The following BMPR2 variants were observed in gnomAD, a reference collection of about 807,000 sequenced individuals.
BMPR2 encodes the protein bone morphogenetic protein receptor type-2.
In BMPR2, 29 loss-of-function variants were observed where a neutral mutation model predicts 100.8. The ratio of observed to expected loss-of-function variants is 0.29; its 90% CI spans 0.21 to 0.39. The LOEUF is 0.39. Among genes scored for constraint, BMPR2 ranks in the 10% least tolerant of loss-of-function variants. BMPR2 has a pLI of 1.00. For synonymous variants in BMPR2, 382 were observed against 442.3 expected, an observed-to-expected ratio of 0.86 and a Z score of 1.71; for missense variants, 1,011 against 1,274.5, an observed-to-expected ratio of 0.79 and a Z score of 3.15.
At chr2:202,462,081 T>C (rs1692235696) in intron 1 of BMPR2, among the ~76,000 whole-genome samples, 1 of 152,202 alleles carries the variant, frequency 6.6e-6, no homozygotes, top group South Asian at 2.1e-4. Flanking sequence ...TATATTAGAA[T>C]ATTTAATTCT....
rs115544214 is a variant in BMPR2 at position 202,428,555 on chromosome 2, C to T, written c.77-36254C>T. The stretch of plus-strand genomic sequence containing the variant: ...CTAGGACCACAGGTGCATGCCACCA[C>T]ACCCTGGCTAATTTTAAAAAAGTTT... On this transcript the variant is annotated intron_variant, in intron 1 of 12. Transcript: ENST00000374580. Among the ~76,000 whole-genome samples, 686 of 151,798 alleles carry T rather than the reference C, an allele frequency of 4.5e-3. 7 individuals carry two copies. Among genetic ancestry groups the T allele is most frequent in the African/African-American group, 0.016 (644 of 41,128 alleles).
chr2:202,468,761 T>C (rs1159361089), intron 3 of BMPR2, among the ~76,000 whole-genome samples: 1 of 151,934 alleles, frequency 6.6e-6, no homozygotes, highest in Non-Finnish European at 1.5e-5. Flanking sequence ...AAAAATAAGA[T>C]CTCTATGAAC....
chr2:202,554,642 C>T (rs1688531742), intron 11 of BMPR2, among the ~76,000 whole-genome samples: 1 of 152,052 alleles, frequency 6.6e-6, no homozygotes, highest in Admixed American at 6.6e-5. Context: ...ATCTTTGATC[C>T]TTTATTTGAA....
At chr2:202,414,890 C>T (rs891445991) in intron 1 of BMPR2, among the ~76,000 whole-genome samples, 14 of 152,028 alleles carry the variant, frequency 9.2e-5, no homozygotes, top group Non-Finnish European at 2.9e-5. Context: ...CAGGTGTGCA[C>T]CACCATGCCC....
At chr2:202,483,605 G>T (rs180938751) in intron 3 of BMPR2, among the ~76,000 whole-genome samples, 2 of 152,174 alleles carry the variant, frequency 1.3e-5, no homozygotes. Context: ...TGCCATGTTG[G>T]CTAGGCTGGT....
intron 3 of BMPR2, among the ~76,000 whole-genome samples, chr2:202,499,828 A>G (rs1183021122): frequency 6.6e-6 from 1 of 152,220 alleles, no homozygotes; most frequent in Non-Finnish European, 1.5e-5. Flanking sequence ...GATCAGAGAA[A>G]GGCCGCAGCC....
At chr2:202,450,933 A>G (rs995812704) in intron 1 of BMPR2, among the ~76,000 whole-genome samples, 2 of 152,112 alleles carry the variant, frequency 1.3e-5, no homozygotes, top group Non-Finnish European at 2.9e-5. Context: ...TGCTTCAGCT[A>G]TTTAGTTATT....
intron 9 of BMPR2, among the ~76,000 whole-genome samples, chr2:202,540,855 T>C (rs1688255883): frequency 6.6e-6 from 1 of 152,142 alleles, no homozygotes; most frequent in Admixed American, 6.6e-5. Flanking sequence ...CGTTCTTCCT[T>C]CTAATTTATC....
At chr2:202,390,235 T>C (rs1010178355) in intron 1 of BMPR2, among the ~76,000 whole-genome samples, 1 of 152,196 alleles carries the variant, frequency 6.6e-6, no homozygotes, top group Non-Finnish European at 1.5e-5. Context: ...TAGAAATTTG[T>C]ACATTTAAAA....
intron 1 of BMPR2, among the ~76,000 whole-genome samples, chr2:202,452,178 C>G (rs1171279785): frequency 6.6e-6 from 1 of 152,160 alleles, no homozygotes; most frequent in Admixed American, 6.6e-5. Flanking sequence ...GCCCCTTGCC[C>G]TTAGCACCAG....
intron 9 of BMPR2, among the ~76,000 whole-genome samples, chr2:202,538,453 T>A (rs917397809): frequency 6.7e-6 from 1 of 150,162 alleles, no homozygotes; most frequent in African/African-American, 2.5e-5. Flanking sequence ...CGAGACTCCA[T>A]CTCTTAAAGA....
Position 202,393,882 on chromosome 2 carries a change from C to CGAGAGAGAGAGAGAGAGAGAGAGAGA in BMPR2, c.76+16359_76+16384dup, listed in dbSNP as rs56708616. On this transcript the variant is annotated intron_variant, in intron 1 of 12. Coordinates refer to ENST00000374580, the MANE Select transcript of BMPR2 (RefSeq NM_001204.7). ...GCATCTAATTAAGGTAATGAGAGAG[C>CGAGAGAGAGAGAGAGAGAGAGAGAGA]GAGAGAGAGAGAGAGAGAGAGAGAG... is the stretch of plus-strand genomic sequence containing the variant. 7.1e-5 allele frequency among the ~76,000 whole-genome samples: 7 copies of CGAGAGAGAGAGAGAGAGAGAGAGAGA among 97,928 alleles called. 1 individual carries two copies. The highest frequency in any genetic ancestry group is 4.3e-4 in the East Asian group (1 of 2,318). 64.2% of individuals were successfully genotyped at this position (97,928 alleles called of 152,430 possible). A position where few individuals can be genotyped will look rare whatever the true frequency, so the allele number is the denominator to read the frequency against.
At chr2:202,455,507 CTG>C (rs1692075983) in intron 1 of BMPR2, among the ~76,000 whole-genome samples, 1 of 152,182 alleles carries the variant, frequency 6.6e-6, no homozygotes, top group Non-Finnish European at 1.5e-5. Context: ...ATATGGAAGT[CTG>C]TCATGATAGC....
At chr2:202,544,619 T>TA (rs1467937965) in intron 10 of BMPR2, among the ~76,000 whole-genome samples, 1 of 152,110 alleles carries the variant, frequency 6.6e-6, no homozygotes, top group Non-Finnish European at 1.5e-5. Context: ...TTTAAGACTT[T>TA]ATCACTAGAA....
At position 202,377,038 on chromosome 2, in the gene BMPR2, C is replaced by A. The variant is rs1306511569; in HGVS notation, c.-437C>A. ...CCGCCGCCCGTCCGGCTTCGTCCTT[C>A]CCGGCAGTCGGGAACTAGTTCTGAC... On this transcript the variant is annotated 5_prime_UTR_variant, in exon 1 of 13. Coordinates refer to ENST00000374580, the MANE Select transcript of BMPR2 (RefSeq NM_001204.7). The A allele has an allele frequency of 1.1e-5, 5 of 466,502 alleles. No homozygotes were observed. The highest frequency in any genetic ancestry group is 4.9e-5 in the South Asian group (1 of 20,234). The allele number at this position is 466,502 out of a possible 1,614,324, so 28.9% of individuals were successfully genotyped here.
intron 1 of BMPR2, among the ~76,000 whole-genome samples, chr2:202,388,411 A>C (rs1004572046): frequency 1.3e-5 from 2 of 150,570 alleles, no homozygotes; most frequent in South Asian, 2.1e-4. Flanking sequence ...AAAAAAAAAA[A>C]AAAAAAAAAC....
At position 202,565,797 on chromosome 2, in the gene BMPR2, A is replaced by T. The variant is rs1467585394; in HGVS notation, c.*5851A>T. On this transcript the variant is annotated 3_prime_UTR_variant, in exon 13 of 13. Coordinates refer to ENST00000374580, the MANE Select transcript of BMPR2 (RefSeq NM_001204.7). ...TTTTGCAACATAGACTGGACTATAC[A>T]ACTTTCATTTAACTTTTAGGTGACT... 1 of 152,254 alleles carries T rather than the reference A, an allele frequency of 6.6e-6. No individual in the cohort carries two copies. Among genetic ancestry groups the T allele is most frequent in the Non-Finnish European group, 1.5e-5 (1 of 68,018 alleles). 9.4% of individuals were successfully genotyped at this position (152,254 alleles called of 1,614,324 possible). A position where few individuals can be genotyped will look rare whatever the true frequency, so the allele number is the denominator to read the frequency against.
intron 4 of BMPR2, 117 bp from the exon 5 acceptor site, chr2:202,514,771 A>T (rs1276979857): frequency 2.4e-6 from 2 of 827,678 alleles, no homozygotes; most frequent in African/African-American, 3.4e-5. Context: ...ATTAGGCATA[A>T]ATCTTGCTGC....
chr2:202,532,549 G>T lies in BMPR2; in HGVS notation c.1129-36G>T, dbSNP rs559781167. On this transcript the variant is annotated intron_variant, in intron 8 of 12. Transcript: ENST00000374580. This position sits in a 1 kb window ranked among gnomAD's most constrained non-coding sequence, Gnocchi z 4.1. ...ATGTCTGTTCTTCAGAATATGCTAC[G>T]TTCTCTCTCTAAAAAATATCACTCT... is the stretch of plus-strand genomic sequence containing the variant. 8 of 1,607,168 alleles carry T rather than the reference G, an allele frequency of 5.0e-6. No individual in the cohort carries two copies. Among genetic ancestry groups the T allele is most frequent in the Non-Finnish European group, 6.8e-6 (8 of 1,174,192 alleles).
Sources: allele counts gnomAD v4.1 joint callset (sites outside exome capture counted in the v4.1 genomes callset), GRCh38; gene constraint gnomAD v4.1.1; non-coding constraint Gnocchi (gnomAD v3.1); transcripts MANE v1.5; gene names NCBI Gene and HGNC (gene_info 2026-07-23, HGNC 2026-07-21).